The following ATAD2B variants were observed in gnomAD, a reference collection of about 807,000 sequenced individuals.
ATAD2B encodes the protein ATPase family AAA domain-containing protein 2B.
ATAD2B carries 40 observed loss-of-function variants against 167.6 expected under a neutral mutation model. That is an observed-to-expected ratio of 0.24 (90% CI 0.19 to 0.31). The LOEUF is 0.31. Ranked by LOEUF, ATAD2B falls within the 10% of genes least tolerant of loss-of-function variation. ATAD2B has a pLI of 1.00. For missense variants in ATAD2B, 1,242 were observed against 1,757.2 expected, an observed-to-expected ratio of 0.71 and a Z score of 5.24; for synonymous variants, 579 against 596.5, an observed-to-expected ratio of 0.97 and a Z score of 0.43.
the ATAD2B span, among the ~76,000 whole-genome samples, chr2:23,683,555 T>C: frequency 6.6e-6 from 1 of 152,142 alleles, no homozygotes; most frequent in Admixed American, 6.5e-5. Flanking sequence ...GCTTCTGACA[T>C]CCCCAGGTCT....
chr2:23,740,768 G>A, the ATAD2B span, among the ~76,000 whole-genome samples: 1 of 152,194 alleles, frequency 6.6e-6, no homozygotes, highest in Non-Finnish European at 1.5e-5. Context: ...AATTGTCCCT[G>A]CTTGCAGATG....
At chr2:23,834,128 T>C in intron 13 of ATAD2B, 50 bp from the exon 14 acceptor site, 1 of 862,590 alleles carries the variant, frequency 1.2e-6, no homozygotes, top group African/African-American at 1.7e-5. Context: ...ACACTGCTGC[T>C]TACAATAACG....
chr2:23,696,172 G>A, the ATAD2B span: 3 of 1,534,962 alleles, frequency 2.0e-6, no homozygotes, highest in African/African-American at 1.4e-5. The surrounding 1 kb of genome is among the most constrained non-coding windows in gnomAD (Gnocchi z 5.5). Flanking sequence ...CAGGCATGGG[G>A]GTCCCAAGGG....
At position 23,884,870 on chromosome 2, in the gene ATAD2B, T is replaced by G. The variant is rs777676511; in HGVS notation, c.679A>C (p.Asn227His). Residue 227 changes from asparagine (N) to histidine (H), a missense_variant, in exon 6 of 28, where the codon AAC becomes CAC. By Grantham distance (68) the Asn-to-His change is moderately conservative (BLOSUM62 1). This residue lies in a region of ATAD2B where 99 missense variants were observed against 160.4 expected (regional missense o/e 0.62). Coordinates refer to ENST00000238789, the MANE Select transcript of ATAD2B (RefSeq NM_017552.4). ...TTCACTCTTGAATACATATCCATGTTTTCCTTTTAAAGAAAGAAATCTGTC... is the reference window on the plus strand; with the variant it reads ...TTCACTCTTGAATACATATCCATGTGTTCCTTTTAAAGAAAGAAATCTGTC... Reference protein sequence around the residue: ...LRMWTDTEFENMDMYSRVKRR... With the variant: ...LRMWTDTEFEHMDMYSRVKRR... 8.4e-6 allele frequency: 13 copies of G among 1,541,060 alleles called. No individual in the cohort carries two copies. Among genetic ancestry groups the G allele is most frequent in the Non-Finnish European group, 1.1e-5 (13 of 1,141,514 alleles).
chr2:23,737,533 A>T, the ATAD2B span, among the ~76,000 whole-genome samples: 1 of 152,202 alleles, frequency 6.6e-6, no homozygotes, highest in African/African-American at 2.4e-5. Context: ...CATCCACACC[A>T]AAAACCCATC....
At chr2:23,809,078 C>G (rs1386201859) in intron 18 of ATAD2B, 1 of 151,998 alleles carries the variant, frequency 6.6e-6, no homozygotes, top group Non-Finnish European at 1.5e-5. Context: ...TCTCTGGGGT[C>G]AATTTTGTTG....
rs1437541135 is a variant in ATAD2B, at chr2:23,861,584, A to C, written c.1479+1797T>G. The stretch of plus-strand genomic sequence containing the variant: ...AAAACTATGAAACAGAAATAAAATA[A>C]ATTTAGACAAAAGGAGTAGCATGAT... On this transcript the variant is annotated intron_variant, in intron 12 of 27. Transcript: ENST00000238789. Among the ~76,000 whole-genome samples, 4 of 152,188 alleles carry C rather than the reference A, an allele frequency of 2.6e-5. No homozygotes were observed. The East Asian group carries it at 7.7e-4, about 29-fold the overall frequency.
intron 1 of ATAD2B, among the ~76,000 whole-genome samples, chr2:23,905,967 G>A (rs944584097): frequency 1.3e-5 from 2 of 151,956 alleles, no homozygotes; most frequent in African/African-American, 4.8e-5. Context: ...TAGTCTCAGT[G>A]TAAAGCAATT....
rs542649711 is a variant in ATAD2B, at chr2:23,852,651, G to C, written c.1568+4764C>G. ...TCTAAAATTCAGGCCAGGCGCAGTGGCTCACACTTGTAATCCCAGCACTTC... is the reference window on the plus strand; with the variant it reads ...TCTAAAATTCAGGCCAGGCGCAGTGCCTCACACTTGTAATCCCAGCACTTC... On this transcript the variant is annotated intron_variant, in intron 13 of 27. Transcript: ENST00000238789. Among the ~76,000 whole-genome samples, 8 of 152,310 alleles carry C rather than the reference G, an allele frequency of 5.3e-5. No individual in the cohort carries two copies. In the East Asian group the frequency reaches 1.5e-3, roughly 29 times the overall value.
intron 21 of ATAD2B, 56 bp downstream of exon 21, chr2:23,785,971 T>C: frequency 1.2e-5 from 17 of 1,431,882 alleles, no homozygotes; most frequent in Non-Finnish European, 1.6e-5. Flanking sequence ...AAGATGTCAA[T>C]ATTTTTTTCT....
chr2:23,907,448 A>G (rs1365334671), intron 1 of ATAD2B, among the ~76,000 whole-genome samples: 2 of 152,124 alleles, frequency 1.3e-5, no homozygotes, highest in South Asian at 2.1e-4. Flanking sequence ...ACTACAAACC[A>G]CTGCTCAAGG....
rs372201836 is a variant in ATAD2B at position 23,782,853 on chromosome 2, C to A, written c.3133+16G>T. On this transcript the variant is annotated intron_variant, in intron 22 of 27. Coordinates refer to ENST00000238789, the MANE Select transcript of ATAD2B (RefSeq NM_017552.4). ...TGATTGATTATCAAGGGGAACCTTG[C>A]CCTATGCATCCTTACCTCCTGGGTC... 2.3e-5 allele frequency: 37 copies of A among 1,596,868 alleles called. No homozygotes were observed. The African/African-American group carries it at 3.0e-4, about 13-fold the overall frequency.
At chr2:23,698,800 A>AGAT in the ATAD2B span, among the ~76,000 whole-genome samples, 1 of 152,200 alleles carries the variant, frequency 6.6e-6, no homozygotes, top group African/African-American at 2.4e-5. Context: ...GGAAGCTGAC[A>AGAT]GATTGAGCTG....
Position 23,752,052 on chromosome 2 carries a change from G to C in ATAD2B, c.4371C>G (p.Phe1457Leu). ...ACCACTCATCTTGAAAAGTTCATAG[G>C]AATGTCTCAAACATATGAACTGTTC... is the stretch of plus-strand genomic sequence containing the variant. ...MERTVHMFETFL is the reference protein window; with the variant it reads ...MERTVHMFETLL The change falls in exon 28 of 28, where the codon TTC (phenylalanine) becomes TTG (leucine). Residue 1457 changes from phenylalanine (F) to leucine (L), a missense_variant. By Grantham distance (22) the Phe-to-Leu change is conservative. Around this residue, in one of 9 missense-constraint regions of ATAD2B, gnomAD observed 282 missense variants for 346.8 expected, o/e 0.81. Coordinates refer to ENST00000238789, the MANE Select transcript of ATAD2B (RefSeq NM_017552.4). 1.3e-6 allele frequency: 2 copies of C among 1,562,694 alleles called. No homozygotes were observed. Among genetic ancestry groups the C allele is most frequent in the Non-Finnish European group, 1.7e-6 (2 of 1,150,654 alleles).
chr2:23,739,787 A>C, the ATAD2B span, among the ~76,000 whole-genome samples: 11 of 152,300 alleles, frequency 7.2e-5, no homozygotes, highest in African/African-American at 2.6e-4. Flanking sequence ...AGATCAACAA[A>C]ATTGATAGAC....
At chr2:23,778,313 T>TA (rs1382934941) in intron 22 of ATAD2B, among the ~76,000 whole-genome samples, 3 of 152,194 alleles carry the variant, frequency 2.0e-5, no homozygotes, top group Non-Finnish European at 4.4e-5. Flanking sequence ...ACTTCTTCCT[T>TA]AAAATATTAA....
rs960213099 is a variant in ATAD2B, at chr2:23,750,395, G to A, written c.*1651C>T. 2.0e-5 allele frequency: 3 copies of A among 152,116 alleles called. No individual in the cohort carries two copies. Among genetic ancestry groups the A allele is most frequent in the South Asian group, 2.1e-4 (1 of 4,832 alleles). The allele number at this position is 152,116 out of a possible 1,614,324, so 9.4% of individuals were successfully genotyped here. A position where few individuals can be genotyped will look rare whatever the true frequency, so the allele number is the denominator to read the frequency against. ...AGAAGCACTTTGGATTACTGCAGTA[G>A]GCTATGGCCAAAGTATGCTTTCTGC... On this transcript the variant is annotated 3_prime_UTR_variant, in exon 28 of 28. Transcript: ENST00000238789.
At chr2:23,755,427 G>A (rs539619606) in intron 25 of ATAD2B, among the ~76,000 whole-genome samples, 1 of 152,208 alleles carries the variant, frequency 6.6e-6, no homozygotes, top group South Asian at 2.1e-4. Flanking sequence ...TAAACAAACA[G>A]AAATTTTAAG....
intron 24 of ATAD2B, among the ~76,000 whole-genome samples, chr2:23,761,337 A>AAGT (rs999583883): frequency 7.2e-5 from 11 of 152,218 alleles, no homozygotes; most frequent in Middle Eastern, 3.2e-3. Context: ...TTTACTGACA[A>AAGT]AGTAGTTCAG....
Sources: gnomAD v4.1 joint callset for allele counts (sites outside exome capture counted in the v4.1 genomes callset) on GRCh38, gnomAD v4.1.1 for gene constraint, gnomAD v4.1.1 regional missense constraint, Gnocchi (gnomAD v3.1) non-coding constraint, MANE v1.5 for transcripts, NCBI Gene and HGNC (gene_info 2026-07-23, HGNC 2026-07-21) for gene names.